The following WNT3 variants were observed in gnomAD, a reference collection of about 807,000 sequenced individuals.
WNT3 encodes the protein Wnt family member 3.
WNT3 carries 7 observed loss-of-function variants against 34.2 expected under a neutral mutation model. That is an observed-to-expected ratio of 0.20 (90% CI 0.12 to 0.38). WNT3 has a LOEUF of 0.38. Ranked by LOEUF, WNT3 falls within the 10% of genes least tolerant of loss-of-function variation. The pLI, the probability that WNT3 is intolerant of heterozygous loss-of-function variation, is 1.00. For synonymous variants in WNT3, 212 were observed against 211.5 expected (o/e 1.00, Z -0.02); for missense variants, 267 against 499.8 (o/e 0.53, Z 4.44).
At chr17:46,816,516 CCT>C (rs1353439243) in intron 1 of WNT3, among the ~76,000 whole-genome samples, 1 of 144,904 alleles carries the variant, frequency 6.9e-6, no homozygotes, top group Non-Finnish European at 1.5e-5. Flanking sequence ...CACACACACA[CCT>C]CTCTCCTTGG....
At chr17:46,807,301 G>A (rs1162658888) in intron 1 of WNT3, among the ~76,000 whole-genome samples, 1 of 152,156 alleles carries the variant, frequency 6.6e-6, no homozygotes, top group Non-Finnish European at 1.5e-5. Context: ...TGACCAACAT[G>A]GTGAAATCCT....
chr17:46,802,099 C>T (rs1014400226), intron 1 of WNT3, among the ~76,000 whole-genome samples: 3 of 152,182 alleles, frequency 2.0e-5, no homozygotes, highest in East Asian at 1.9e-4. Context: ...ATTTGGTCTT[C>T]GACCTAGTTT....
At chr17:46,811,687 G>A (rs575958491) in intron 1 of WNT3, among the ~76,000 whole-genome samples, 5 of 152,334 alleles carry the variant, frequency 3.3e-5, no homozygotes, top group Admixed American at 2.0e-4. Context: ...GGGTGCGGTG[G>A]CTCACGCCTA....
chr17:46,808,416 T>C (rs2084224728), intron 1 of WNT3, among the ~76,000 whole-genome samples: 1 of 152,240 alleles, frequency 6.6e-6, no homozygotes, highest in Admixed American at 6.5e-5. Flanking sequence ...AACCATCCTT[T>C]GGGGAACAAA....
chr17:46,785,434 T>C (rs2146410143), intron 1 of WNT3, among the ~76,000 whole-genome samples: 1 of 152,280 alleles, frequency 6.6e-6, no homozygotes, highest in South Asian at 2.1e-4. Context: ...GAAAAACCCA[T>C]GCACACGGAG....
intron 1 of WNT3, among the ~76,000 whole-genome samples, chr17:46,810,436 C>G (rs2084258909): frequency 6.6e-6 from 1 of 152,184 alleles, no homozygotes; most frequent in Non-Finnish European, 1.5e-5. Context: ...CAATGGAGAG[C>G]CCCTGGCAGA....
chr17:46,784,784 T>C (rs2059488409), intron 1 of WNT3, among the ~76,000 whole-genome samples: 1 of 150,942 alleles, frequency 6.6e-6, no homozygotes, highest in Non-Finnish European at 1.5e-5. Context: ...TTTCTTTTTT[T>C]TTTTTTTTTG....
intron 1 of WNT3, among the ~76,000 whole-genome samples, chr17:46,775,100 A>G (rs2059402988): frequency 6.6e-6 from 1 of 152,226 alleles, no homozygotes; most frequent in African/African-American, 2.4e-5. Context: ...GCTTTTTAGT[A>G]CACAAAAGCT....
intron 1 of WNT3, among the ~76,000 whole-genome samples, chr17:46,815,550 G>A (rs1340407373): frequency 6.6e-6 from 1 of 152,142 alleles, no homozygotes; most frequent in African/African-American, 2.4e-5. Context: ...GCCAGGCGGG[G>A]GGCTGGGTTG....
chr17:46,769,705 A>T (rs2059346536), intron 3 of WNT3, 78 bp downstream of exon 3: 1 of 1,573,576 alleles, frequency 6.4e-7, no homozygotes, highest in Non-Finnish European at 8.6e-7. Flanking sequence ...GGAAGGGGTG[A>T]GGTGGGGGCC....
In WNT3 at chr17:46,797,278, G is replaced by A. The variant is rs138906381; in HGVS notation, c.80+21240C>T. Among the ~76,000 whole-genome samples, 10 of 152,348 alleles carry A rather than the reference G, an allele frequency of 6.6e-5. No individual in the cohort carries two copies. The East Asian group carries it at 1.9e-3, about 29-fold the overall frequency. On this transcript the variant is annotated intron_variant, in intron 1 of 4. Coordinates refer to ENST00000225512, the MANE Select transcript of WNT3 (RefSeq NM_030753.5). ...TGCGATGTCCTACTCTGGCCCAAGA[G>A]CTGTCTGGAAAAGCTGTTCCAAAAA...
chr17:46,795,498 G>A (rs572457147), intron 1 of WNT3, among the ~76,000 whole-genome samples: 16 of 152,222 alleles, frequency 1.1e-4, no homozygotes, highest in Admixed American at 5.9e-4. Context: ...AGCCCCTGAC[G>A]CCCTGTCTAA....
intron 1 of WNT3, among the ~76,000 whole-genome samples, chr17:46,778,689 G>A (rs895740924): frequency 4.6e-5 from 7 of 152,170 alleles, no homozygotes; most frequent in African/African-American, 1.4e-4. Flanking sequence ...CAAAGTGTGC[G>A]TGGCTTTGAC....
Position 46,769,777 on chromosome 17 carries a change from G to T in WNT3, c.588+6C>A. 6.2e-7 allele frequency: 1 copy of T among 1,609,806 alleles called. No homozygotes were observed. The highest frequency in any genetic ancestry group is 1.1e-5 in the South Asian group (1 of 91,060). On this transcript the variant is annotated splice_donor_region_variant and intron_variant, in intron 3 of 4. Coordinates refer to ENST00000225512, the MANE Select transcript of WNT3 (RefSeq NM_030753.5). ...TGAAGGGTTTGGGGAGGGTAGCCGG[G>T]CTCACCGTGCGGCCCGCCTCGTTGT...
At chr17:46,804,923 C>T (rs1272150990) in intron 1 of WNT3, among the ~76,000 whole-genome samples, 3 of 137,698 alleles carry the variant, frequency 2.2e-5, no homozygotes, top group Non-Finnish European at 1.6e-5. Flanking sequence ...CCGCCCACCC[C>T]CCCCACCCCC....
At chr17:46,794,433 G>A (rs769255567) in intron 1 of WNT3, among the ~76,000 whole-genome samples, 2 of 152,130 alleles carry the variant, frequency 1.3e-5, no homozygotes, top group Non-Finnish European at 2.9e-5. Flanking sequence ...AGCCTTGGGG[G>A]TCATCTGGTC....
intron 1 of WNT3, among the ~76,000 whole-genome samples, chr17:46,807,374 TG>T (rs2146455449): frequency 6.6e-6 from 1 of 152,178 alleles, no homozygotes; most frequent in Admixed American, 6.5e-5. Flanking sequence ...CCCAGGTACT[TG>T]GGAGGCTGAG....
At chr17:46,789,741 C>A (rs2083956171) in intron 1 of WNT3, among the ~76,000 whole-genome samples, 2 of 152,186 alleles carry the variant, frequency 1.3e-5, no homozygotes, top group Non-Finnish European at 2.9e-5. Flanking sequence ...GTGCACTGGA[C>A]ACTGCCCAGG....
intron 1 of WNT3, among the ~76,000 whole-genome samples, chr17:46,797,523 A>G (rs2084070279): frequency 7.2e-5 from 11 of 152,234 alleles, no homozygotes; most frequent in Admixed American, 7.2e-4. Flanking sequence ...GCCTTGGGCC[A>G]TGGGAAAAAC....
Sources: gnomAD v4.1 joint callset for allele counts (sites outside exome capture counted in the v4.1 genomes callset) on GRCh38, gnomAD v4.1.1 for gene constraint, MANE v1.5 for transcripts, NCBI Gene and HGNC (gene_info 2026-07-23, HGNC 2026-07-21) for gene names.